KMT2C: variants seen among roughly 807,000 people sequenced by gnomAD.
The protein encoded by KMT2C is lysine methyltransferase 2C.
Under a neutral mutation model 507.9 loss-of-function variants are expected in KMT2C, and 88 were observed. The ratio of observed to expected loss-of-function variants is 0.17; its 90% CI spans 0.15 to 0.21. The LOEUF is 0.21. Among genes scored for constraint, KMT2C ranks in the 10% least tolerant of loss-of-function variants. The pLI is 1.00. For missense variants in KMT2C, 4,954 were observed against 5,957.8 expected (o/e 0.83, Z 5.55); for synonymous variants, 2,049 against 2,080.8 (o/e 0.98, Z 0.42).
chr7:152,373,810 ATAAG>A (rs761565023), intron 1 of KMT2C, among the ~76,000 whole-genome samples: 2 of 152,242 alleles, frequency 1.3e-5, no homozygotes, highest in South Asian at 2.1e-4. Context: ...AATAACTTTA[ATAAG>A]TAATATAAAA....
intron 55 of KMT2C, among the ~76,000 whole-genome samples, chr7:152,140,023 T>TA (rs1372171190): frequency 6.6e-6 from 1 of 152,246 alleles, no homozygotes; most frequent in Non-Finnish European, 1.5e-5. Context: ...ACTAAATTCT[T>TA]AGAGTCTATG....
intron 40 of KMT2C, among the ~76,000 whole-genome samples, chr7:152,169,520 T>C (rs931634034): frequency 3.3e-5 from 5 of 152,284 alleles, no homozygotes; most frequent in Admixed American, 3.3e-4. Context: ...ATCAGAAATA[T>C]AATACAGGGC....
intron 1 of KMT2C, among the ~76,000 whole-genome samples, chr7:152,385,667 G>A (rs949738411): frequency 8.1e-6 from 1 of 123,060 alleles, no homozygotes; most frequent in Non-Finnish European, 1.7e-5. Flanking sequence ...GTGTTTACCT[G>A]AACATAGAAT....
chr7:152,424,290 T>G (rs987364251), intron 1 of KMT2C, among the ~76,000 whole-genome samples: 57 of 152,130 alleles, frequency 3.7e-4, no homozygotes, highest in Non-Finnish European at 3.7e-4. Flanking sequence ...CAAATACTCT[T>G]TGTTCTTAGC....
chr7:152,334,448 G>A (rs766663577), intron 2 of KMT2C, among the ~76,000 whole-genome samples: 27 of 151,980 alleles, frequency 1.8e-4, no homozygotes, highest in Non-Finnish European at 2.8e-4. Context: ...GCAAAACTCC[G>A]TCTCAAAAAA....
intron 24 of KMT2C, among the ~76,000 whole-genome samples, chr7:152,207,055 GT>G (rs1174257003): frequency 1.3e-5 from 2 of 152,066 alleles, no homozygotes; most frequent in Admixed American, 1.3e-4. Context: ...TAATAAAATG[GT>G]TAACATTTGG....
intron 6 of KMT2C, among the ~76,000 whole-genome samples, chr7:152,275,376 C>T (rs1404679872): frequency 1.3e-5 from 2 of 152,168 alleles, no homozygotes; most frequent in African/African-American, 2.4e-5. Flanking sequence ...AACTCCATCT[C>T]TACTAAAAAT....
intron 6 of KMT2C, among the ~76,000 whole-genome samples, chr7:152,289,695 A>C (rs2096374511): frequency 6.6e-6 from 1 of 152,234 alleles, no homozygotes; most frequent in African/African-American, 2.4e-5. Context: ...ATGTAAGCTT[A>C]ACTAATTCCA....
intron 1 of KMT2C, among the ~76,000 whole-genome samples, chr7:152,408,867 ATATCT>A (rs2097651089): frequency 1.3e-5 from 2 of 152,126 alleles, no homozygotes; most frequent in South Asian, 2.1e-4. Context: ...TTAATATCAA[ATATCT>A]TAGAATAGGT....
chr7:152,175,007 A>G (rs1446981549), intron 38 of KMT2C, among the ~76,000 whole-genome samples: 1 of 152,252 alleles, frequency 6.6e-6, no homozygotes, highest in Non-Finnish European at 1.5e-5. Flanking sequence ...AACATATGGC[A>G]ACAATGGTTG....
At chr7:152,209,743 T>TAA (rs1174360544) in intron 23 of KMT2C, among the ~76,000 whole-genome samples, 25 of 116,342 alleles carry the variant, frequency 2.1e-4, no homozygotes, top group African/African-American at 6.4e-4. Context: ...CAATCTCCTT[T>TAA]AAAAAAAAAA....
rs199718451 is a variant in KMT2C, at chr7:152,237,872, C to A, written c.2652+835G>T. ...AGTTAGTGATTAAAAATCGAGACTACAGTAATCTCTCAATTTATTTTCTCG... is the reference window on the plus strand; with the variant it reads ...AGTTAGTGATTAAAAATCGAGACTAAAGTAATCTCTCAATTTATTTTCTCG... On this transcript the variant is annotated intron_variant, in intron 15 of 58. Coordinates refer to ENST00000262189, the MANE Select transcript of KMT2C (RefSeq NM_170606.3). Among the ~76,000 whole-genome samples the A allele has an allele frequency of 3.0e-5, 4 of 134,914 alleles. No homozygotes were observed. The East Asian group carries it at 8.8e-4, about 30-fold the overall frequency. The allele number at this position is 134,914 out of a possible 152,430, so 88.5% of individuals were successfully genotyped here.
Position 152,199,269 on chromosome 7 carries a change from T to C in KMT2C, c.4273+10A>G. 1 of 1,574,630 alleles carries C rather than the reference T, an allele frequency of 6.4e-7. No homozygotes were observed. The highest frequency in any genetic ancestry group is 8.6e-7 in the Non-Finnish European group (1 of 1,163,458). ...ATATAAAGAAAATATCTGTGAATAA[T>C]TCTACATACCGTGAGTTCCAGATTT... On this transcript the variant is annotated intron_variant, in intron 27 of 58. Transcript: ENST00000262189.
intron 18 of KMT2C, among the ~76,000 whole-genome samples, chr7:152,227,692 A>C (rs1480745945): frequency 1.3e-5 from 2 of 152,228 alleles, no homozygotes; most frequent in Non-Finnish European, 2.9e-5. Context: ...CAAAATGAAG[A>C]AGCAATAACG....
chr7:152,200,258 T>C (rs370416539), intron 26 of KMT2C, among the ~76,000 whole-genome samples: 33 of 152,328 alleles, frequency 2.2e-4, no homozygotes, highest in African/African-American at 7.9e-4. Flanking sequence ...TATTTTGTAA[T>C]GTCAAGAAGT....
At position 152,176,170 on chromosome 7, in the gene KMT2C, G is replaced by C. The variant is rs371908591; in HGVS notation, c.9262+21C>G. 1.3e-4 allele frequency: 209 copies of C among 1,565,782 alleles called. 2 individuals carry two copies. The African/African-American group carries it at 2.6e-3, about 20-fold the overall frequency. ...TCTAATACCCATAGTAATATACGTT[G>C]AGACTCAAGAAAACTCCTACCAATA... On this transcript the variant is annotated intron_variant, in intron 38 of 58. Transcript: ENST00000262189.
intron 23 of KMT2C, among the ~76,000 whole-genome samples, chr7:152,217,869 T>C (rs1018566090): frequency 6.6e-6 from 1 of 152,204 alleles, no homozygotes; most frequent in Non-Finnish European, 1.5e-5. Flanking sequence ...CAAGAAACCT[T>C]TCATATTTTG....
At chr7:152,358,400 AAG>A (rs2097169453) in intron 2 of KMT2C, among the ~76,000 whole-genome samples, 185 bp downstream of exon 2, 1 of 152,200 alleles carries the variant, frequency 6.6e-6, no homozygotes, top group Non-Finnish European at 1.5e-5. Flanking sequence ...TTAGGGAAAA[AAG>A]AGAGATAGAG....
At chr7:152,303,896 G>A (rs2096593322) in intron 6 of KMT2C, among the ~76,000 whole-genome samples, 1 of 152,126 alleles carries the variant, frequency 6.6e-6, no homozygotes, top group Non-Finnish European at 1.5e-5. Context: ...ACTGAGGTGG[G>A]AGGATGACTT....
Sources: gnomAD v4.1 joint callset for allele counts (sites outside exome capture counted in the v4.1 genomes callset) on GRCh38, gnomAD v4.1.1 for gene constraint, MANE v1.5 for transcripts, NCBI Gene and HGNC (gene_info 2026-07-23, HGNC 2026-07-21) for gene names.